The following CSMD3 variants were observed in gnomAD, a reference collection of about 807,000 sequenced individuals.
CSMD3 encodes CUB and Sushi multiple domains 3.
In CSMD3, 177 loss-of-function variants were observed where a neutral mutation model predicts 435.2. The ratio of observed to expected loss-of-function variants is 0.41; its 90% confidence interval spans 0.36 to 0.46. The LOEUF (loss-of-function observed/expected upper bound fraction) is 0.46, where lower values mean the gene tolerates loss of function less well. Ranked by LOEUF, CSMD3 falls within the 20% of genes least tolerant of loss-of-function variation. The pLI, the probability that CSMD3 is intolerant of heterozygous loss-of-function variation, is 0.34. For synonymous variants in CSMD3, 1,656 were observed against 1,520.5 expected (o/e 1.09, Z -2.07); for missense variants, 4,265 against 4,504.6 (o/e 0.95, Z 1.52).
intron 61 of CSMD3, among the ~76,000 whole-genome samples, chr8:112,257,944 T>G (rs1486102151): frequency 6.6e-6 from 1 of 152,006 alleles, no homozygotes; most frequent in Non-Finnish European, 1.5e-5. Context: ...TATAGACCAA[T>G]GGAACAGAAC....
At chr8:113,296,669 A>G (rs1314475107) in intron 2 of CSMD3, among the ~76,000 whole-genome samples, 2 of 152,188 alleles carry the variant, frequency 1.3e-5, no homozygotes, top group African/African-American at 4.8e-5. Context: ...TAACAGGGCA[A>G]TTAGTGTCCC....
At chr8:112,445,839 C>G (rs1815540413) in intron 32 of CSMD3, among the ~76,000 whole-genome samples, 1 of 152,118 alleles carries the variant, frequency 6.6e-6, no homozygotes, top group African/African-American at 2.4e-5. Context: ...ATTTCATAAT[C>G]TAGTGCCTAC....
chr8:112,776,004 A>G (rs2078236536), intron 13 of CSMD3, among the ~76,000 whole-genome samples: 1 of 151,874 alleles, frequency 6.6e-6, no homozygotes, highest in South Asian at 2.1e-4. Flanking sequence ...TACTTGATAT[A>G]TAAAAGGTGC....
intron 1 of CSMD3, among the ~76,000 whole-genome samples, chr8:113,434,038 C>T (rs1351757710): frequency 1.3e-5 from 2 of 152,182 alleles, no homozygotes; most frequent in Non-Finnish European, 2.9e-5. Context: ...GGTTGTTTTC[C>T]TTTTCAGCCC....
At chr8:112,399,180 T>G (rs1210113615) in intron 35 of CSMD3, among the ~76,000 whole-genome samples, 1 of 152,094 alleles carries the variant, frequency 6.6e-6, no homozygotes, top group Non-Finnish European at 1.5e-5. Context: ...GGCTAAACTC[T>G]TAAAGTTCTC....
At chr8:113,315,341 C>T (rs2093901136) in intron 1 of CSMD3, among the ~76,000 whole-genome samples, 1 of 152,072 alleles carries the variant, frequency 6.6e-6, no homozygotes, top group East Asian at 1.9e-4. Flanking sequence ...TGAAATGGCT[C>T]TACCTTTCAT....
At chr8:113,153,923 G>GA (rs370616269) in intron 4 of CSMD3, among the ~76,000 whole-genome samples, 33 of 151,378 alleles carry the variant, frequency 2.2e-4, no homozygotes, top group Admixed American at 9.9e-4. Context: ...GGTATGAGAA[G>GA]AAAAAAAACC....
chr8:113,178,582 G>A (rs1325609963), intron 3 of CSMD3, among the ~76,000 whole-genome samples: 2 of 151,824 alleles, frequency 1.3e-5, no homozygotes, highest in Admixed American at 6.6e-5. Context: ...GGCATATAAT[G>A]GAGAAATCTG....
At chr8:112,531,899 T>C (rs1279092018) in intron 27 of CSMD3, among the ~76,000 whole-genome samples, 3 of 152,144 alleles carry the variant, frequency 2.0e-5, no homozygotes, top group East Asian at 3.9e-4. Context: ...GTGATTAACC[T>C]TGGAGTGCCC....
intron 18 of CSMD3, among the ~76,000 whole-genome samples, chr8:112,655,567 A>G (rs770726368): frequency 7.2e-5 from 11 of 152,000 alleles, no homozygotes; most frequent in Non-Finnish European, 1.6e-4. Flanking sequence ...AAACAAAACC[A>G]TGAGATTTAA....
At chr8:112,409,071 A>G in intron 32 of CSMD3, 39 bp from the exon 33 acceptor site, 1 of 1,612,824 alleles carries the variant, frequency 6.2e-7, no homozygotes. Flanking sequence ...CAAATCACCA[A>G]CCATCCAAAA....
At chr8:113,123,375 T>C (rs1253995711) in intron 4 of CSMD3, among the ~76,000 whole-genome samples, 1 of 152,076 alleles carries the variant, frequency 6.6e-6, no homozygotes, top group Non-Finnish European at 1.5e-5. Flanking sequence ...AAATGAGGAG[T>C]CAGCAAACTA....
chr8:112,928,549 G>C (rs2082988013), intron 9 of CSMD3, among the ~76,000 whole-genome samples: 1 of 151,714 alleles, frequency 6.6e-6, no homozygotes, highest in Non-Finnish European at 1.5e-5. Flanking sequence ...TTGGTTTTTT[G>C]TTCTTGCGAT....
chr8:112,899,769 C>T (rs1023335907), intron 10 of CSMD3, among the ~76,000 whole-genome samples: 1 of 146,778 alleles, frequency 6.8e-6, no homozygotes, highest in Non-Finnish European at 1.5e-5. Context: ...AACAATCTGG[C>T]AGTCAATCTC....
At chr8:113,246,655 A>G (rs1236567939) in intron 3 of CSMD3, among the ~76,000 whole-genome samples, 1 of 152,102 alleles carries the variant, frequency 6.6e-6, no homozygotes, top group African/African-American at 2.4e-5. Context: ...CTTGCAGTTG[A>G]GAACTAGGTA....
intron 27 of CSMD3, among the ~76,000 whole-genome samples, chr8:112,546,699 T>C (rs547475240): frequency 2.0e-5 from 3 of 152,238 alleles, no homozygotes; most frequent in East Asian, 3.9e-4. Flanking sequence ...GCAGAGGATA[T>C]AGAAGCTGAC....
At chr8:113,096,657 C>T (rs1174581087) in intron 5 of CSMD3, among the ~76,000 whole-genome samples, 1 of 152,098 alleles carries the variant, frequency 6.6e-6, no homozygotes, top group African/African-American at 2.4e-5. Flanking sequence ...GAATCTTGAG[C>T]CAGGCTCTAT....
chr8:112,387,646 C>T lies in CSMD3; in HGVS notation c.5934+3018G>A, dbSNP rs576193707. On this transcript the variant is annotated intron_variant, in intron 36 of 70. Coordinates refer to ENST00000297405, the MANE Select transcript of CSMD3 (RefSeq NM_198123.2). Reference sequence around the variant, plus strand: ...CTTTACACACTATATGTTTGCTAAACGTGCTGCTAAACTCAAATTTTGTTT... The same window carrying T: ...CTTTACACACTATATGTTTGCTAAATGTGCTGCTAAACTCAAATTTTGTTT... Among the ~76,000 whole-genome samples, 49 of 152,168 alleles carry T rather than the reference C, an allele frequency of 3.2e-4. 1 individual carries two copies. Among genetic ancestry groups the T allele is most frequent in the African/African-American group, 9.4e-4 (39 of 41,534 alleles).
chr8:113,320,903 C>T (rs1401189377), intron 1 of CSMD3, among the ~76,000 whole-genome samples: 1 of 152,096 alleles, frequency 6.6e-6, no homozygotes, highest in Admixed American at 6.6e-5. Flanking sequence ...TATATATCTC[C>T]GTGTAGATGT....
Sources: allele counts gnomAD v4.1 joint callset (sites outside exome capture counted in the v4.1 genomes callset), GRCh38; gene constraint gnomAD v4.1.1; transcripts MANE v1.5; gene names NCBI Gene and HGNC (gene_info 2026-07-23, HGNC 2026-07-21).